CCDC171: variants seen among roughly 807,000 people sequenced by gnomAD.
CCDC171 encodes coiled-coil domain-containing protein 171.
CCDC171 carries 177 observed loss-of-function variants against 168.2 expected under a neutral mutation model. That is an observed-to-expected ratio of 1.05 (90% CI 0.93 to 1.19). The LOEUF is 1.19. Ranked by LOEUF, CCDC171 falls within the 50% of genes most tolerant of loss-of-function variation. CCDC171 has a pLI of 0.00. For missense variants in CCDC171, 1,991 were observed against 1,539.0 expected (o/e 1.29, Z -4.91); for synonymous variants, 687 against 540.8 (o/e 1.27, Z -3.75).
chr9:15,846,973 A>G (rs2060925492), intron 22 of CCDC171, 126 bp downstream of exon 22: 2 of 723,024 alleles, frequency 2.8e-6, no homozygotes, highest in Admixed American at 6.1e-5. Context: ...TCTTTCTTTG[A>G]AATTCTCTGA....
chr9:15,745,888 G>A (rs575696785), intron 18 of CCDC171, among the ~76,000 whole-genome samples: 7 of 151,954 alleles, frequency 4.6e-5, no homozygotes, highest in African/African-American at 1.7e-4. Context: ...TTTTTCCTAT[G>A]GAAAGCTCAT....
At chr9:15,719,006 C>T (rs1383368662) in intron 11 of CCDC171, among the ~76,000 whole-genome samples, 2 of 151,962 alleles carry the variant, frequency 1.3e-5, no homozygotes, top group Admixed American at 1.3e-4. Flanking sequence ...AGAAACCAAC[C>T]CTGGAGATAC....
At chr9:15,904,762 G>A (rs1166135078) in intron 24 of CCDC171, among the ~76,000 whole-genome samples, 1 of 151,954 alleles carries the variant, frequency 6.6e-6, no homozygotes, top group Non-Finnish European at 1.5e-5. Context: ...TCAGTGTGCT[G>A]TATTCAGGAA....
chr9:15,564,862 A>T (rs1440261163), intron 2 of CCDC171, among the ~76,000 whole-genome samples: 1 of 152,234 alleles, frequency 6.6e-6, no homozygotes, highest in Non-Finnish European at 1.5e-5. Flanking sequence ...TTGGGGTTGT[A>T]TTCTGTCTGT....
intron 21 of CCDC171, among the ~76,000 whole-genome samples, chr9:15,794,047 C>G (rs2058423474): frequency 6.6e-6 from 1 of 150,516 alleles, no homozygotes; most frequent in Admixed American, 6.6e-5. Context: ...TGGTAGGCAT[C>G]CTTATCTTGT....
At chr9:16,095,533 G>GCTCTCTCTTTCTCT in the CCDC171 span, among the ~76,000 whole-genome samples, 25 of 151,196 alleles carry the variant, frequency 1.7e-4, no homozygotes, top group Admixed American at 1.1e-3. Context: ...TCACACACAC[G>GCTCTCTCTTTCTCT]CTCTCTCTTT....
chr9:15,654,105 T>C (rs2047737448), intron 7 of CCDC171, among the ~76,000 whole-genome samples: 1 of 152,156 alleles, frequency 6.6e-6, no homozygotes. Context: ...TAGTATAAAT[T>C]ATAAATGTCA....
chr9:15,616,464 A>T (rs1162893685), intron 6 of CCDC171, among the ~76,000 whole-genome samples: 1 of 151,876 alleles, frequency 6.6e-6, no homozygotes, highest in African/African-American at 2.4e-5. Flanking sequence ...ACTATATAAA[A>T]TACTATATAA....
chr9:15,799,931 A>G (rs905712115), intron 21 of CCDC171, among the ~76,000 whole-genome samples: 22 of 152,086 alleles, frequency 1.4e-4, no homozygotes, highest in Non-Finnish European at 2.2e-4. Context: ...AGTTCCATCT[A>G]TGTTGTTGCA....
At chr9:16,002,628 T>C (rs1832586350) in intron 3 of CCDC171, among the ~76,000 whole-genome samples, 1 of 152,178 alleles carries the variant, frequency 6.6e-6, no homozygotes, top group African/African-American at 2.4e-5. Context: ...TTTTTATAAA[T>C]TTATTGTAGC....
At chr9:15,793,782 C>T (rs901511495) in intron 21 of CCDC171, among the ~76,000 whole-genome samples, 8 of 151,786 alleles carry the variant, frequency 5.3e-5, no homozygotes, top group African/African-American at 7.3e-5. Flanking sequence ...CTCCTCACCT[C>T]GTGACCTGCC....
chr9:15,980,984 C>A (rs1045860447), intron 3 of CCDC171, among the ~76,000 whole-genome samples: 1 of 152,042 alleles, frequency 6.6e-6, no homozygotes, highest in East Asian at 1.9e-4. Context: ...CAAGTCACGT[C>A]TTACATGGAT....
In CCDC171 at chr9:15,786,794, C is replaced by T. The variant is rs577479826; in HGVS notation, c.3267+2100C>T. On this transcript the variant is annotated intron_variant, in intron 21 of 25. Transcript: ENST00000380701. ...TGCCCTATCCTAACTGATCAATCAA[C>T]CTTATGACATTCTTCTCCAGGACAA... Among the ~76,000 whole-genome samples, 12 of 152,280 alleles carry T rather than the reference C, an allele frequency of 7.9e-5. 1 individual carries two copies. The South Asian group carries it at 2.5e-3, about 32-fold the overall frequency.
intron 25 of CCDC171, among the ~76,000 whole-genome samples, chr9:15,927,495 G>A (rs1311890247): frequency 1.3e-5 from 2 of 151,578 alleles, no homozygotes; most frequent in African/African-American, 4.8e-5. Flanking sequence ...GCAAACTACG[G>A]TACTGATTTG....
rs865852286 is a variant in CCDC171, at chr9:15,642,330, C to G, written c.823-14797C>G. Among the ~76,000 whole-genome samples, 8 of 37,920 alleles carry G rather than the reference C, an allele frequency of 2.1e-4. No homozygotes were observed. The Admixed American group carries it at 3.1e-3, about 14-fold the overall frequency. 24.9% of individuals were successfully genotyped at this position (37,920 alleles called of 152,430 possible). On this transcript the variant is annotated intron_variant, in intron 7 of 25. Coordinates refer to ENST00000380701, the MANE Select transcript of CCDC171 (RefSeq NM_173550.4). ...ATGTATACACGTATATATATATATA[C>G]ACGTGTGTGTGTGTATATATATATA...
At chr9:15,999,335 G>GAGGA (rs772915514) in intron 3 of CCDC171, among the ~76,000 whole-genome samples, 12 of 148,450 alleles carry the variant, frequency 8.1e-5, no homozygotes, top group South Asian at 2.2e-4. Flanking sequence ...AAGAAGGAGG[G>GAGGA]AGGAAGGAAG....
intron 3 of CCDC171, among the ~76,000 whole-genome samples, chr9:16,018,925 C>G (rs1271872140): frequency 2.0e-5 from 3 of 152,174 alleles, no homozygotes; most frequent in Non-Finnish European, 4.4e-5. Flanking sequence ...GTATTCATGC[C>G]TTTTTGCCAT....
chr9:16,072,710 C>G, the CCDC171 span, among the ~76,000 whole-genome samples: 2 of 152,130 alleles, frequency 1.3e-5, no homozygotes, highest in African/African-American at 2.4e-5. Context: ...ACAGTGCTCA[C>G]TCTCACCTCT....
intron 11 of CCDC171, among the ~76,000 whole-genome samples, chr9:15,705,118 A>ACACACT (rs1196246808): frequency 2.6e-5 from 4 of 151,592 alleles, no homozygotes; most frequent in Non-Finnish European, 5.9e-5. Context: ...ACACACACAC[A>ACACACT]CACTCTCACT....
Sources: gnomAD v4.1 joint callset for allele counts (sites outside exome capture counted in the v4.1 genomes callset) on GRCh38, gnomAD v4.1.1 for gene constraint, MANE v1.5 for transcripts, NCBI Gene and HGNC (gene_info 2026-07-23, HGNC 2026-07-21) for gene names.